DPP6: variants seen among roughly 807,000 people sequenced by gnomAD.
DPP6 encodes the protein A-type potassium channel modulatory protein DPP6.
Under a neutral mutation model 122.6 loss-of-function variants are expected in DPP6, and 69 were observed. The ratio of observed to expected loss-of-function variants is 0.56; its 90% CI spans 0.46 to 0.69. The LOEUF is 0.69. DPP6 is among the 30% of genes least tolerant of loss of function. DPP6 has a pLI of 0.00. For synonymous variants in DPP6, 418 were observed against 433.1 expected, an observed-to-expected ratio of 0.97 and a Z score of 0.43; for missense variants, 928 against 1,116.9, an observed-to-expected ratio of 0.83 and a Z score of 2.41.
intron 1 of DPP6, among the ~76,000 whole-genome samples, chr7:153,929,817 T>A (rs982454256): frequency 3.9e-5 from 6 of 152,230 alleles, no homozygotes; most frequent in Admixed American, 2.0e-4. Flanking sequence ...AGGGTGAATT[T>A]TCATAAAGGT....
At position 154,885,680 on chromosome 7, in the gene DPP6, A is replaced by C. The variant is rs1806089620; in HGVS notation, c.2181A>C (p.Glu727Asp). The C allele has an allele frequency of 1.3e-6, 2 of 1,596,270 alleles. No homozygotes were observed. Among genetic ancestry groups the C allele is most frequent in the Non-Finnish European group, 1.7e-6 (2 of 1,171,486 alleles). Reference sequence around the variant, plus strand: ...CCTACATCCTCCCAGCAAAGGGAGAAAATCAAGGCCAGACATTCACCTGCG... The same window carrying C: ...CCTACATCCTCCCAGCAAAGGGAGACAATCAAGGCCAGACATTCACCTGCG... ...LSTYILPAKG[E>D]NQGQTFTCGS... is the part of the protein sequence containing the mutation. Residue 727 changes from glutamate (E) to aspartate (D), a missense_variant, in exon 22 of 26, where the codon GAA becomes GAC. Physicochemically the swap from Glu to Asp is conservative, Grantham distance 45 (BLOSUM62 2). Transcript: ENST00000377770.
At chr7:154,356,573 C>A (rs572150245) in intron 1 of DPP6, among the ~76,000 whole-genome samples, 1 of 151,700 alleles carries the variant, frequency 6.6e-6, no homozygotes. Flanking sequence ...ATCCCCCAAC[C>A]CCCCCACCAA....
At chr7:154,563,219 G>T (rs1830539082) in intron 4 of DPP6, among the ~76,000 whole-genome samples, 1 of 152,222 alleles carries the variant, frequency 6.6e-6, no homozygotes. Context: ...AGTTGCAAAG[G>T]CCTTGAGAAT....
chr7:154,431,799 C>T (rs1586252743), intron 1 of DPP6, among the ~76,000 whole-genome samples: 1 of 152,260 alleles, frequency 6.6e-6, no homozygotes, highest in East Asian at 1.9e-4. Context: ...TCCCAAAGTG[C>T]TGGGATTACA....
At chr7:154,540,394 T>C (rs1828620224) in intron 3 of DPP6, 138 bp from the exon 4 acceptor site, 2 of 642,740 alleles carry the variant, frequency 3.1e-6, no homozygotes, top group Non-Finnish European at 5.5e-6. Flanking sequence ...TATTGCACCA[T>C]ATTGAAAGGG....
intron 5 of DPP6, among the ~76,000 whole-genome samples, chr7:154,627,182 T>A (rs1236721683): frequency 2.4e-5 from 3 of 126,794 alleles, no homozygotes; most frequent in Non-Finnish European, 3.3e-5. Flanking sequence ...CTGGCTAATT[T>A]TTTTTCCTTT....
intron 1 of DPP6, among the ~76,000 whole-genome samples, chr7:154,062,848 C>G (rs540381058): frequency 1.5e-5 from 2 of 132,756 alleles, no homozygotes; most frequent in East Asian, 4.5e-4. Context: ...GACTGCGAGC[C>G]AGACCCTCTT....
chr7:153,887,864 GC>G, intron 1 of DPP6: 1 of 1,054,122 alleles, frequency 9.5e-7, no homozygotes, highest in East Asian at 2.8e-5. Context: ...GCGCGCGGCG[GC>G]GCTTCTCCCA....
chr7:154,143,005 T>G (rs1304595855), intron 1 of DPP6, among the ~76,000 whole-genome samples: 1 of 137,890 alleles, frequency 7.3e-6, no homozygotes, highest in Non-Finnish European at 1.5e-5. Flanking sequence ...GTATTCCTTG[T>G]TAGTTTCCTA....
the DPP6 span, among the ~76,000 whole-genome samples, chr7:153,880,403 A>C: frequency 6.6e-6 from 1 of 152,200 alleles, no homozygotes; most frequent in African/African-American, 2.4e-5. Flanking sequence ...CTTAGTTACA[A>C]AGTTTCTGTA....
intron 1 of DPP6, among the ~76,000 whole-genome samples, chr7:154,249,711 G>T (rs772164375): frequency 2.3e-4 from 35 of 152,062 alleles, no homozygotes; most frequent in Non-Finnish European, 4.0e-4. Flanking sequence ...ATGCCACGGA[G>T]CCTGTCCCCA....
chr7:154,697,418 C>T lies in DPP6; in HGVS notation c.762+27977C>T, dbSNP rs552939943. 6.3e-4 allele frequency among the ~76,000 whole-genome samples: 96 copies of T among 152,354 alleles called. 1 individual carries two copies. The highest frequency in any genetic ancestry group is 5.4e-3 in the Admixed American group (83 of 15,302). Reference sequence around the variant, plus strand: ...CTCCAGAGCCAAGACCCCTGCAGCACCCTGTGCACTCAGGCAGAGGAAAGA... The same window carrying T: ...CTCCAGAGCCAAGACCCCTGCAGCATCCTGTGCACTCAGGCAGAGGAAAGA... On this transcript the variant is annotated intron_variant, in intron 7 of 25. Coordinates refer to ENST00000377770, the MANE Select transcript of DPP6 (RefSeq NM_130797.4).
At chr7:154,811,590 G>C (rs904987531) in intron 16 of DPP6, among the ~76,000 whole-genome samples, 2 of 152,186 alleles carry the variant, frequency 1.3e-5, no homozygotes, top group Non-Finnish European at 2.9e-5. Context: ...AAGAAATGTT[G>C]TAAGATTATG....
rs528362044 is a variant in DPP6 at position 153,970,917 on chromosome 7, G to A, written c.51+83183G>A. On this transcript the variant is annotated intron_variant, in intron 1 of 25. Transcript: ENST00000404039. ...TTTTAAAAAGACTTAAAATCAGGTC[G>A]TTTAAGTCTTCAGATTTTCTTCCTC... Among the ~76,000 whole-genome samples the A allele has an allele frequency of 4.6e-5, 7 of 152,184 alleles. 1 individual carries two copies. The highest frequency in any genetic ancestry group is 1.4e-4 in the African/African-American group (6 of 41,548).
upstream of DPP6, among the ~76,000 whole-genome samples, chr7:154,050,050 C>G (rs1478418626): frequency 2.6e-5 from 4 of 152,196 alleles, no homozygotes; most frequent in Admixed American, 6.5e-5. Context: ...AGCATTCCGG[C>G]TCCTTTCACA....
chr7:153,948,308 G>A (rs1395061731), intron 1 of DPP6, among the ~76,000 whole-genome samples: 2 of 152,180 alleles, frequency 1.3e-5, no homozygotes, highest in East Asian at 3.8e-4. Context: ...CTTTCCTGTT[G>A]TTTTATTTGG....
At position 154,795,657 on chromosome 7, in the gene DPP6, G is replaced by A. The variant is rs10274635; in HGVS notation, c.1261-188G>A. Among the ~76,000 whole-genome samples, 63,960 of 151,880 alleles carry A rather than the reference G, an allele frequency of 0.42. 13,994 individuals carry two copies. The highest frequency in any genetic ancestry group is 0.51 in the African/African-American group (21,025 of 41,390). ...GTGTTTGGCTCCGAGCCACGCACGA[G>A]ACAAAGAGGAGAGCTCGGGATTGCC... is the stretch of plus-strand genomic sequence containing the variant. On this transcript the variant is annotated intron_variant, in intron 11 of 25. Transcript: ENST00000377770.
intron 17 of DPP6, among the ~76,000 whole-genome samples, chr7:154,861,504 C>T (rs1015441893): frequency 1.3e-5 from 2 of 152,090 alleles, no homozygotes; most frequent in African/African-American, 4.8e-5. Context: ...TCCATTTGTC[C>T]GCCCGTCACC....
chr7:154,191,850 G>C (rs1331343296), intron 1 of DPP6, among the ~76,000 whole-genome samples: 1 of 152,100 alleles, frequency 6.6e-6, no homozygotes, highest in Non-Finnish European at 1.5e-5. Flanking sequence ...GGTAGTTCTG[G>C]CTATTAGCCA....
Sources: allele counts gnomAD v4.1 joint callset (sites outside exome capture counted in the v4.1 genomes callset), GRCh38; gene constraint gnomAD v4.1.1; transcripts MANE v1.5; gene names NCBI Gene and HGNC (gene_info 2026-07-23, HGNC 2026-07-21).